Variants in NKAIN2 observed in about 807,000 individuals in gnomAD.
NKAIN2 encodes the protein sodium/potassium transporting ATPase interacting 2, also known as sodium/potassium-transporting ATPase subunit beta-1-interacting protein 2.
A neutral mutation model predicts 32.6 loss-of-function variants in NKAIN2; 14 were observed. The ratio of observed to expected loss-of-function variants is 0.43; its 90% CI spans 0.28 to 0.67. The LOEUF is 0.67. Ranked by LOEUF, NKAIN2 falls within the 30% of genes least tolerant of loss-of-function variation. The pLI, the probability that NKAIN2 is intolerant of heterozygous loss-of-function variation, is 0.17. For missense variants in NKAIN2, 198 were observed against 258.3 expected (o/e 0.77, Z 1.60); for synonymous variants, 80 against 87.2 (o/e 0.92, Z 0.46).
intron 1 of NKAIN2, among the ~76,000 whole-genome samples, chr6:124,158,219 T>A (rs140617054): frequency 2.6e-4 from 40 of 152,248 alleles, no homozygotes; most frequent in African/African-American, 9.6e-4. Flanking sequence ...TTGTTCTTTC[T>A]CTTCTTATGC....
intron 4 of NKAIN2, among the ~76,000 whole-genome samples, chr6:124,717,998 C>A (rs999993365): frequency 3.3e-5 from 5 of 152,068 alleles, no homozygotes; most frequent in African/African-American, 1.2e-4. Flanking sequence ...ATTAACAGAA[C>A]AAAATGAAGA....
At chr6:124,759,230 G>A (rs1015974023) in intron 4 of NKAIN2, among the ~76,000 whole-genome samples, 1 of 152,116 alleles carries the variant, frequency 6.6e-6, no homozygotes, top group Non-Finnish European at 1.5e-5. Flanking sequence ...GACTAATCAA[G>A]TAGACAGCAT....
intron 1 of NKAIN2, among the ~76,000 whole-genome samples, chr6:123,814,607 T>G (rs1189390600): frequency 6.6e-6 from 1 of 152,228 alleles, no homozygotes; most frequent in African/African-American, 2.4e-5. Context: ...TTACTGTGCC[T>G]AGCTTTACTC....
chr6:124,779,247 A>G (rs1251146557), intron 4 of NKAIN2, among the ~76,000 whole-genome samples: 1,221 of 75,340 alleles, frequency 0.016, 104 homozygotes, highest in African/African-American at 0.065. Flanking sequence ...CCAACAAAGA[A>G]AGAGAGAGAG....
At chr6:124,115,166 CTATA>C (rs1196338993) in intron 1 of NKAIN2, among the ~76,000 whole-genome samples, 1 of 151,898 alleles carries the variant, frequency 6.6e-6, no homozygotes, top group East Asian at 1.9e-4. Context: ...TAACGTTAGG[CTATA>C]TATATGGAAT....
At chr6:124,611,074 C>T (rs1425871389) in intron 3 of NKAIN2, among the ~76,000 whole-genome samples, 1 of 152,106 alleles carries the variant, frequency 6.6e-6, no homozygotes, top group East Asian at 1.9e-4. Context: ...GTGCAGAAAA[C>T]ATTAATCAAG....
chr6:123,862,970 A>G (rs1775844936), intron 1 of NKAIN2, among the ~76,000 whole-genome samples: 1 of 152,176 alleles, frequency 6.6e-6, no homozygotes, highest in Non-Finnish European at 1.5e-5. Context: ...GTAGCCAATG[A>G]GTAATTGTCT....
chr6:124,624,044 G>A (rs1354328787), intron 3 of NKAIN2, among the ~76,000 whole-genome samples: 1 of 152,092 alleles, frequency 6.6e-6, no homozygotes, highest in Non-Finnish European at 1.5e-5. Flanking sequence ...TAAGACAAAA[G>A]TAGTATTCCT....
At chr6:124,499,610 T>C (rs962612631) in intron 3 of NKAIN2, among the ~76,000 whole-genome samples, 3 of 151,982 alleles carry the variant, frequency 2.0e-5, no homozygotes, top group African/African-American at 7.3e-5. Flanking sequence ...CCAAAGAAAA[T>C]CTTTATGCAT....
chr6:124,298,149 T>A (rs1796139833), intron 2 of NKAIN2, among the ~76,000 whole-genome samples: 1 of 152,046 alleles, frequency 6.6e-6, no homozygotes, highest in Non-Finnish European at 1.5e-5. Flanking sequence ...CATCTAGGAG[T>A]CAAAATATTT....
intron 3 of NKAIN2, among the ~76,000 whole-genome samples, chr6:124,480,600 A>G (rs1777405693): frequency 6.6e-6 from 1 of 151,442 alleles, no homozygotes; most frequent in Non-Finnish European, 1.5e-5. Flanking sequence ...TATTATTATT[A>G]TTATTATTAT....
At chr6:123,824,041 C>G (rs1447940796) in intron 1 of NKAIN2, among the ~76,000 whole-genome samples, 1 of 152,074 alleles carries the variant, frequency 6.6e-6, no homozygotes, top group East Asian at 1.9e-4. Context: ...AACTGCATGA[C>G]CTTTGATACT....
rs148857686 is a variant in NKAIN2 at position 123,863,804 on chromosome 6, C to G, written c.54+59550C>G. On this transcript the variant is annotated intron_variant, in intron 1 of 6. Transcript: ENST00000368417. The stretch of plus-strand genomic sequence containing the variant: ...ATAAATTTGGGTCTCCTCTTCCTCT[C>G]CTGTCCACTTTGACCCTTTCCATCT... Among the ~76,000 whole-genome samples the G allele has an allele frequency of 2.3e-3, 344 of 152,290 alleles. 1 individual carries two copies. Among genetic ancestry groups the G allele is most frequent in the Non-Finnish European group, 2.7e-3 (186 of 68,006 alleles).
At chr6:123,966,077 A>C (rs1302838990) in intron 1 of NKAIN2, among the ~76,000 whole-genome samples, 1 of 152,180 alleles carries the variant, frequency 6.6e-6, no homozygotes, top group East Asian at 1.9e-4. Flanking sequence ...AGGGTCCATA[A>C]AAACTTACAT....
chr6:124,415,877 G>GTTTTT (rs1491509779), intron 3 of NKAIN2, among the ~76,000 whole-genome samples: 4 of 40,812 alleles, frequency 9.8e-5, no homozygotes, highest in Admixed American at 2.4e-4. Flanking sequence ...TTTTTTATTT[G>GTTTTT]CTTTTTTTTT....
At chr6:124,279,240 G>A (rs1385701250) in intron 1 of NKAIN2, among the ~76,000 whole-genome samples, 1 of 152,024 alleles carries the variant, frequency 6.6e-6, no homozygotes, top group African/African-American at 2.4e-5. Flanking sequence ...AGGTGCAGTG[G>A]CTCACACCTG....
chr6:124,232,456 A>T (rs910325222), intron 1 of NKAIN2, among the ~76,000 whole-genome samples: 39 of 152,198 alleles, frequency 2.6e-4, no homozygotes, highest in African/African-American at 9.2e-4. Context: ...AATGATAAAT[A>T]GCAGAATCTT....
rs564529169 is a variant in NKAIN2 at position 124,709,671 on chromosome 6, G to A, written c.474+51285G>A. On this transcript the variant is annotated intron_variant, in intron 4 of 6. Transcript: ENST00000368417. ...TCTGATGGTAGTTTGTATTTCTGTGGGATCGGTGGTGATATCCCCTTTATC... is the reference window on the plus strand; with the variant it reads ...TCTGATGGTAGTTTGTATTTCTGTGAGATCGGTGGTGATATCCCCTTTATC... Among the ~76,000 whole-genome samples the A allele has an allele frequency of 1.3e-3, 196 of 150,912 alleles. 8 individuals carry two copies. The South Asian group carries it at 0.04, about 31-fold the overall frequency.
chr6:124,407,538 T>C (rs952735638), intron 3 of NKAIN2, among the ~76,000 whole-genome samples: 1 of 152,208 alleles, frequency 6.6e-6, no homozygotes, highest in Non-Finnish European at 1.5e-5. Context: ...TCATTTTTTA[T>C]GGCTTCATAG....
Sources: allele counts gnomAD v4.1 joint callset (sites outside exome capture counted in the v4.1 genomes callset), GRCh38; gene constraint gnomAD v4.1.1; transcripts MANE v1.5; gene names NCBI Gene and HGNC (gene_info 2026-07-23, HGNC 2026-07-21).